The following LSAMP variants were observed in gnomAD, a reference collection of about 807,000 sequenced individuals.
The protein encoded by LSAMP is limbic system-associated membrane protein.
Under a neutral mutation model 38.6 loss-of-function variants are expected in LSAMP, and 7 were observed. That is an observed-to-expected ratio of 0.18 (90% CI 0.10 to 0.34). The LOEUF is 0.34. Ranked by LOEUF, LSAMP falls within the 10% of genes least tolerant of loss-of-function variation. LSAMP has a pLI of 1.00. For missense variants in LSAMP, 313 were observed against 420.0 expected, an observed-to-expected ratio of 0.75 and a Z score of 2.23; for synonymous variants, 154 against 166.8, an observed-to-expected ratio of 0.92 and a Z score of 0.59.
chr3:116,209,472 G>T (rs2046122882), intron 1 of LSAMP, among the ~76,000 whole-genome samples: 1 of 152,162 alleles, frequency 6.6e-6, no homozygotes, highest in South Asian at 2.1e-4. Context: ...AAATAATTTA[G>T]TTTGTTCCTA....
At chr3:115,882,926 C>T (rs1936359014) in intron 3 of LSAMP, among the ~76,000 whole-genome samples, 1 of 151,952 alleles carries the variant, frequency 6.6e-6, no homozygotes, top group Non-Finnish European at 1.5e-5. Flanking sequence ...TCCTTATGCT[C>T]AGGTTATGTG....
chr3:116,089,834 C>T (rs1011161425), intron 1 of LSAMP, among the ~76,000 whole-genome samples: 3 of 151,974 alleles, frequency 2.0e-5, no homozygotes, highest in Non-Finnish European at 2.9e-5. Flanking sequence ...GAAACCACTT[C>T]TCCAGATCTT....
chr3:116,416,527 T>A (rs1377023833), intron 1 of LSAMP, among the ~76,000 whole-genome samples: 1 of 152,154 alleles, frequency 6.6e-6, no homozygotes, highest in Non-Finnish European at 1.5e-5. Context: ...ATGCTGCAGT[T>A]GTCAAGGCTG....
chr3:116,134,412 C>T (rs1709201187), intron 1 of LSAMP, among the ~76,000 whole-genome samples: 1 of 152,154 alleles, frequency 6.6e-6, no homozygotes, highest in African/African-American at 2.4e-5. Flanking sequence ...CTCACCAGCT[C>T]CAAAAATCTT....
chr3:116,366,440 C>T (rs1431430311), intron 1 of LSAMP, among the ~76,000 whole-genome samples: 1 of 152,094 alleles, frequency 6.6e-6, no homozygotes, highest in Non-Finnish European at 1.5e-5. Flanking sequence ...TTTTTCCAAG[C>T]ATAGGTATAG....
chr3:115,933,449 CTT>C (rs1576232155), intron 3 of LSAMP, among the ~76,000 whole-genome samples: 1 of 152,278 alleles, frequency 6.6e-6, no homozygotes, highest in Admixed American at 6.5e-5. Context: ...AAAAAATCAA[CTT>C]AATGCTGGAT....
At chr3:115,900,512 C>CAAA (rs5851983) in intron 3 of LSAMP, among the ~76,000 whole-genome samples, 5 of 74,332 alleles carry the variant, frequency 6.7e-5, no homozygotes, top group African/African-American at 9.8e-5. Flanking sequence ...TGAGACTGTC[C>CAAA]AAAAAAAAAA....
At chr3:116,303,260 A>AT (rs1403667287) in intron 1 of LSAMP, among the ~76,000 whole-genome samples, 7 of 152,080 alleles carry the variant, frequency 4.6e-5, no homozygotes, top group East Asian at 1.9e-4. Context: ...AGAAATAAAG[A>AT]TTTTTTTTAG....
intron 1 of LSAMP, among the ~76,000 whole-genome samples, chr3:116,167,566 A>T (rs1710090707): frequency 6.6e-6 from 1 of 152,118 alleles, no homozygotes; most frequent in African/African-American, 2.4e-5. Context: ...TTATCCATCC[A>T]TCTGTTCATT....
At chr3:115,906,266 C>T (rs1034104999) in intron 3 of LSAMP, among the ~76,000 whole-genome samples, 3 of 152,070 alleles carry the variant, frequency 2.0e-5, no homozygotes, top group Non-Finnish European at 4.4e-5. Context: ...TTATTTATGC[C>T]GTTTCATCTA....
intron 3 of LSAMP, among the ~76,000 whole-genome samples, chr3:116,001,321 T>G (rs1939986293): frequency 6.6e-6 from 1 of 152,218 alleles, no homozygotes; most frequent in South Asian, 2.1e-4. Context: ...TCAGAGCATT[T>G]CAATTCCCCA....
intron 1 of LSAMP, among the ~76,000 whole-genome samples, chr3:116,395,499 G>T (rs1156719717): frequency 6.6e-6 from 1 of 152,156 alleles, no homozygotes; most frequent in Non-Finnish European, 1.5e-5. Context: ...ATGAAGTCCG[G>T]CTGTCTGGGT....
At chr3:116,372,288 C>T (rs1015653530) in intron 1 of LSAMP, among the ~76,000 whole-genome samples, 17 of 151,894 alleles carry the variant, frequency 1.1e-4, no homozygotes, top group East Asian at 3.9e-4. Flanking sequence ...AAATAATTTT[C>T]GACAAGGGTA....
chr3:116,079,351 T>C (rs1332075768), intron 2 of LSAMP, among the ~76,000 whole-genome samples: 59 of 152,058 alleles, frequency 3.9e-4, no homozygotes, highest in Non-Finnish European at 1.2e-4. Flanking sequence ...CTAATAGCTT[T>C]TTAACTAATA....
chr3:116,257,893 C>G (rs909879077), intron 1 of LSAMP, among the ~76,000 whole-genome samples: 1 of 152,076 alleles, frequency 6.6e-6, no homozygotes, highest in Admixed American at 6.6e-5. Flanking sequence ...AAGAAGTATT[C>G]TTTGTTTTCT....
At chr3:116,264,077 A>G (rs76225276) in intron 1 of LSAMP, among the ~76,000 whole-genome samples, 1,943 of 152,300 alleles carry the variant, frequency 0.013, 38 homozygotes, top group African/African-American at 0.044. Context: ...GGCCTGGCAT[A>G]TTTAAGGGTT....
chr3:115,848,993 C>T (rs1362035138), intron 4 of LSAMP, among the ~76,000 whole-genome samples: 1 of 152,078 alleles, frequency 6.6e-6, no homozygotes, highest in Non-Finnish European at 1.5e-5. Flanking sequence ...GAGTCAAGCT[C>T]AAAAGTAGTT....
intron 1 of LSAMP, among the ~76,000 whole-genome samples, chr3:116,204,498 T>C (rs1319393175): frequency 6.6e-6 from 1 of 151,502 alleles, no homozygotes; most frequent in Non-Finnish European, 1.5e-5. Flanking sequence ...CTGAATGGTA[T>C]TGCCTAGGTT....
At chr3:116,117,466 A>T (rs1708778044) in intron 1 of LSAMP, among the ~76,000 whole-genome samples, 1 of 152,222 alleles carries the variant, frequency 6.6e-6, no homozygotes, top group Non-Finnish European at 1.5e-5. Flanking sequence ...CATTTCCCAT[A>T]ACTGATAGGC....
Sources: allele counts gnomAD v4.1 joint callset (sites outside exome capture counted in the v4.1 genomes callset), GRCh38; gene constraint gnomAD v4.1.1; transcripts MANE v1.5; gene names NCBI Gene and HGNC (gene_info 2026-07-23, HGNC 2026-07-21).